ANKRD10: variants seen among roughly 807,000 people sequenced by gnomAD.
ANKRD10 encodes the protein ankyrin repeat domain 10.
A neutral mutation model predicts 27.0 loss-of-function variants in ANKRD10; 14 were observed. The ratio of observed to expected loss-of-function variants is 0.52; its 90% CI spans 0.34 to 0.81. The LOEUF is 0.81. ANKRD10 is among the 40% of genes least tolerant of loss of function. The pLI is 0.01. For missense variants in ANKRD10, 493 were observed against 544.0 expected, an observed-to-expected ratio of 0.91 and a Z score of 0.93; for synonymous variants, 250 against 224.5, an observed-to-expected ratio of 1.11 and a Z score of -1.01.
At chr13:110,887,531 T>C (rs867047497) in intron 4 of ANKRD10, among the ~76,000 whole-genome samples, 5 of 152,108 alleles carry the variant, frequency 3.3e-5, no homozygotes, top group African/African-American at 7.2e-5. Context: ...CTTTAATCTT[T>C]ACATAAAAAA....
chr13:110,888,327 ACG>A (rs1410952437), intron 4 of ANKRD10, among the ~76,000 whole-genome samples: 5 of 151,792 alleles, frequency 3.3e-5, no homozygotes, highest in Non-Finnish European at 7.4e-5. Flanking sequence ...ACAGTGGAAA[ACG>A]CAGACACTGT....
intron 2 of ANKRD10, 86 bp downstream of exon 2, chr13:110,910,532 G>C (rs945857020): frequency 6.7e-7 from 1 of 1,494,970 alleles, no homozygotes; most frequent in African/African-American, 1.4e-5. Context: ...TCTAATTAAG[G>C]CCTCGATTTA....
At chr13:110,900,035 GAC>G (rs543601900) in intron 3 of ANKRD10, among the ~76,000 whole-genome samples, 5 of 152,098 alleles carry the variant, frequency 3.3e-5, no homozygotes, top group Admixed American at 3.3e-4. Context: ...AACACAGGAA[GAC>G]CCTGTCTCTT....
chr13:110,887,452 A>G (rs779002600), intron 4 of ANKRD10, among the ~76,000 whole-genome samples: 3 of 152,224 alleles, frequency 2.0e-5, no homozygotes, highest in Non-Finnish European at 4.4e-5. Context: ...ACACACAGGA[A>G]AACAGGACTG....
intron 2 of ANKRD10, among the ~76,000 whole-genome samples, 186 bp from the exon 3 acceptor site, chr13:110,906,310 G>GGCCAAGATATTTGGTCAAAC (rs1235264432): frequency 1.3e-5 from 2 of 152,012 alleles, no homozygotes; most frequent in African/African-American, 4.8e-5. Flanking sequence ...AACCAGGAGG[G>GGCCAAGATATTTGGTCAAAC]GCCAAGATAT....
chr13:110,887,362 A>AC (rs1303156235), intron 4 of ANKRD10, among the ~76,000 whole-genome samples: 1 of 152,148 alleles, frequency 6.6e-6, no homozygotes, highest in Non-Finnish European at 1.5e-5. Context: ...GCAATTGGAC[A>AC]CCAAGGTCGT....
intron 3 of ANKRD10, among the ~76,000 whole-genome samples, chr13:110,895,825 GAC>G (rs1469020723): frequency 6.6e-6 from 1 of 152,144 alleles, no homozygotes. Flanking sequence ...GATTCCTGGA[GAC>G]TGAAGTTTCA....
At chr13:110,888,860 C>CTA (rs2138830609) in intron 4 of ANKRD10, among the ~76,000 whole-genome samples, 1 of 152,220 alleles carries the variant, frequency 6.6e-6, no homozygotes, top group East Asian at 1.9e-4. Flanking sequence ...AGTAATATGC[C>CTA]TATGTGATTA....
chr13:110,885,907 G>A (rs757940782), intron 4 of ANKRD10, among the ~76,000 whole-genome samples: 1 of 152,220 alleles, frequency 6.6e-6, no homozygotes, highest in Non-Finnish European at 1.5e-5. Context: ...TTAGAAAACC[G>A]CAACAGAGAA....
At chr13:110,904,600 G>C (rs779107344) in intron 3 of ANKRD10, among the ~76,000 whole-genome samples, 65 of 152,128 alleles carry the variant, frequency 4.3e-4, no homozygotes, top group Non-Finnish European at 3.1e-4. Context: ...ATTTTATAAT[G>C]AAAGTTTGTT....
At chr13:110,904,140 A>G (rs973588262) in intron 3 of ANKRD10, 5 of 152,222 alleles carry the variant, frequency 3.3e-5, no homozygotes, top group Non-Finnish European at 4.4e-5. Context: ...CTTGTGCTCT[A>G]TCTCCAGGCC....
intron 3 of ANKRD10, among the ~76,000 whole-genome samples, chr13:110,897,581 T>C (rs1293294646): frequency 1.3e-5 from 2 of 152,218 alleles, no homozygotes; most frequent in Admixed American, 6.5e-5. Flanking sequence ...ACGGGGTATA[T>C]ATACCACATT....
intron 3 of ANKRD10, chr13:110,900,437 A>AT: frequency 1.1e-6 from 1 of 930,424 alleles, no homozygotes; most frequent in Non-Finnish European, 1.3e-6. Flanking sequence ...AGAAAGGTAG[A>AT]TATCATAAAT....
At chr13:110,911,472 C>CCA (rs201976580) in intron 1 of ANKRD10, among the ~76,000 whole-genome samples, 1,754 of 138,186 alleles carry the variant, frequency 0.013, 27 homozygotes, top group African/African-American at 0.044. Flanking sequence ...ACCACCACCA[C>CCA]CACTTTGTGT....
intron 5 of ANKRD10, among the ~76,000 whole-genome samples, chr13:110,880,414 C>T (rs2064792110): frequency 6.6e-6 from 1 of 152,120 alleles, no homozygotes. Flanking sequence ...TCCTGAAAAG[C>T]CATCAATAAA....
chr13:110,890,636 C>G (rs891750761), intron 4 of ANKRD10, among the ~76,000 whole-genome samples: 5 of 152,166 alleles, frequency 3.3e-5, no homozygotes, highest in African/African-American at 1.2e-4. Context: ...CTGTGATAAT[C>G]ACAGAAACAT....
chr13:110,906,802 G>T (rs1041267677), intron 2 of ANKRD10, among the ~76,000 whole-genome samples: 1 of 152,164 alleles, frequency 6.6e-6, no homozygotes, highest in Non-Finnish European at 1.5e-5. Context: ...TGAAATTCCT[G>T]GTTCAGAAAG....
chr13:110,893,911 G>C (rs143088249), intron 3 of ANKRD10, among the ~76,000 whole-genome samples: 39 of 152,242 alleles, frequency 2.6e-4, no homozygotes, highest in African/African-American at 7.7e-4. Flanking sequence ...TGAGTAGTTG[G>C]TTCCTTTAAA....
intron 3 of ANKRD10, among the ~76,000 whole-genome samples, chr13:110,902,616 CCA>C (rs1445170694): frequency 5.3e-5 from 8 of 152,074 alleles, no homozygotes; most frequent in Admixed American, 5.2e-4. Flanking sequence ...TCTGATGATC[CCA>C]GTTAAGATAA....
Sources: allele counts gnomAD v4.1 joint callset (sites outside exome capture counted in the v4.1 genomes callset), GRCh38; gene constraint gnomAD v4.1.1; transcripts MANE v1.5; gene names NCBI Gene and HGNC (gene_info 2026-07-23, HGNC 2026-07-21).